The following CAMTA1 variants were observed in gnomAD, a reference collection of about 807,000 sequenced individuals.
The protein encoded by CAMTA1 is calmodulin-binding transcription activator 1.
CAMTA1 carries 27 observed loss-of-function variants against 170.9 expected under a neutral mutation model. The ratio of observed to expected loss-of-function variants is 0.16; its 90% CI spans 0.12 to 0.22. The LOEUF (loss-of-function observed/expected upper bound fraction) is 0.22. Ranked by LOEUF, CAMTA1 falls within the 10% of genes least tolerant of loss-of-function variation. The probability of loss-of-function intolerance (pLI) is 1.00; values close to 1 mark genes in which losing one functional copy is unlikely to be tolerated. For synonymous variants in CAMTA1, 833 were observed against 891.5 expected (o/e 0.93, Z 1.17); for missense variants, 1,619 against 2,217.2 (o/e 0.73, Z 5.42).
chr1:6,957,438 A>G (rs974812047), intron 3 of CAMTA1, among the ~76,000 whole-genome samples: 4 of 151,964 alleles, frequency 2.6e-5, no homozygotes, highest in Admixed American at 6.5e-5. Context: ...TTTTAAAATC[A>G]AGGTGTTGGC....
intron 5 of CAMTA1, among the ~76,000 whole-genome samples, chr1:7,381,337 A>C (rs987429739): frequency 6.7e-5 from 9 of 133,388 alleles, no homozygotes; most frequent in African/African-American, 2.5e-4. Context: ...CCAGAGTGTG[A>C]TGTTCCCCTT....
At chr1:7,528,433 A>T (rs1010168646) in intron 6 of CAMTA1, among the ~76,000 whole-genome samples, 22 of 150,054 alleles carry the variant, frequency 1.5e-4, no homozygotes, top group African/African-American at 3.5e-4. Flanking sequence ...TGGTTTTTTA[A>T]AAAAAAAAAA....
At chr1:7,520,226 CT>C (rs1557857625) in intron 6 of CAMTA1, among the ~76,000 whole-genome samples, 11 of 37,292 alleles carry the variant, frequency 2.9e-4, no homozygotes, top group South Asian at 1.3e-3. Flanking sequence ...CCTCCTCCTC[CT>C]CCCTCCTCCT....
At chr1:7,372,706 ACAG>A (rs1433697690) in intron 5 of CAMTA1, among the ~76,000 whole-genome samples, 1 of 152,210 alleles carries the variant, frequency 6.6e-6, no homozygotes, top group Admixed American at 6.5e-5. Context: ...TTTGATACCC[ACAG>A]CAGCCTTGGA....
rs1379339692 is a variant in CAMTA1, at chr1:7,173,006, T to C, written c.303-76485T>C. Among the ~76,000 whole-genome samples the C allele has an allele frequency of 1.3e-5, 2 of 152,206 alleles. No homozygotes were observed. Among genetic ancestry groups the C allele is most frequent in the Non-Finnish European group, 2.9e-5 (2 of 68,028 alleles). ...TGCCTCGGGGAGGATGGGCTGGCTG[T>C]GTCCATCCATCCCGTGCTGGAGCGT... On this transcript the variant is annotated intron_variant, in intron 4 of 22. Transcript: ENST00000303635. This position sits in a 1 kb window ranked among gnomAD's most constrained non-coding sequence, Gnocchi z 5.4.
chr1:7,166,051 G>T (rs891125821), intron 4 of CAMTA1, among the ~76,000 whole-genome samples: 1 of 151,780 alleles, frequency 6.6e-6, no homozygotes, highest in African/African-American at 2.4e-5. Context: ...TAAGCGGGGG[G>T]GTGTGTTTAC....
At chr1:7,417,301 G>A (rs951725923) in intron 5 of CAMTA1, among the ~76,000 whole-genome samples, 1 of 152,262 alleles carries the variant, frequency 6.6e-6, no homozygotes, top group African/African-American at 2.4e-5. Context: ...TCTCTTCAAA[G>A]CTGTCAGACA....
At chr1:7,494,669 T>C (rs1166902848) in intron 6 of CAMTA1, among the ~76,000 whole-genome samples, 3 of 152,074 alleles carry the variant, frequency 2.0e-5, no homozygotes, top group Non-Finnish European at 4.4e-5. Context: ...CCAGGTGTGG[T>C]GGCGCACACC....
intron 5 of CAMTA1, among the ~76,000 whole-genome samples, chr1:7,457,230 C>G (rs1010746544): frequency 1.3e-4 from 20 of 152,010 alleles, no homozygotes; most frequent in Non-Finnish European, 2.4e-4. Context: ...TCTTGGAACC[C>G]CCAAAAACAA....
At chr1:6,868,895 G>T (rs954293621) in intron 3 of CAMTA1, among the ~76,000 whole-genome samples, 2 of 152,190 alleles carry the variant, frequency 1.3e-5, no homozygotes, top group Admixed American at 1.3e-4. Flanking sequence ...ATTAAGGATA[G>T]CTTGTATCCT....
intron 3 of CAMTA1, among the ~76,000 whole-genome samples, chr1:7,035,411 A>T (rs887678901): frequency 4.6e-5 from 7 of 152,002 alleles, no homozygotes; most frequent in African/African-American, 1.7e-4. Context: ...AAAAAAAAAA[A>T]AATCTTATTT....
At chr1:7,483,951 T>C (rs1279169392) in intron 6 of CAMTA1, among the ~76,000 whole-genome samples, 1 of 152,182 alleles carries the variant, frequency 6.6e-6, no homozygotes, top group East Asian at 1.9e-4. Context: ...ATCATTTTTA[T>C]TCCCACTTTG....
chr1:6,994,179 T>G (rs1696828041), intron 3 of CAMTA1, among the ~76,000 whole-genome samples: 1 of 152,194 alleles, frequency 6.6e-6, no homozygotes, highest in South Asian at 2.1e-4. Flanking sequence ...CATAGTGTAT[T>G]TTTTCTTTTT....
chr1:7,280,092 C>A (rs991741699), intron 5 of CAMTA1, among the ~76,000 whole-genome samples: 1 of 152,182 alleles, frequency 6.6e-6, no homozygotes, highest in Admixed American at 6.5e-5. Context: ...TTGCAAATGT[C>A]AGAGATGCTG....
At chr1:7,217,374 C>A (rs1412948939) in intron 4 of CAMTA1, among the ~76,000 whole-genome samples, 1 of 152,180 alleles carries the variant, frequency 6.6e-6, no homozygotes, top group African/African-American at 2.4e-5. Flanking sequence ...CAGTCTCGGG[C>A]AGTTCTTTAT....
At position 7,276,303 on chromosome 1, in the gene CAMTA1, A is replaced by ATATAATTTTTTTTTTTTTTTTTTTTTTT; in HGVS notation, c.438+26678_438+26679insATAATTTTTTTTTTTTTTTTTTTTTTTT. ...CATATATATATATATATATATATAT[A>ATATAATTTTTTTTTTTTTTTTTTTTTTT]TTTTTTTTTTTTTTTTTTCTTTTTG... On this transcript the variant is annotated intron_variant, in intron 5 of 22. Transcript: ENST00000303635. 2.1e-4 allele frequency among the ~76,000 whole-genome samples: 5 copies of ATATAATTTTTTTTTTTTTTTTTTTTTTT among 24,228 alleles called. 1 individual carries two copies. Among genetic ancestry groups the ATATAATTTTTTTTTTTTTTTTTTTTTTT allele is most frequent in the African/African-American group, 1.5e-3 (5 of 3,362 alleles). The allele number at this position is 24,228 out of a possible 152,430, so 15.9% of individuals were successfully genotyped here. A position where few individuals can be genotyped will look rare whatever the true frequency, so the allele number is the denominator to read the frequency against.
intron 3 of CAMTA1, among the ~76,000 whole-genome samples, chr1:7,061,924 T>C (rs924464581): frequency 2.0e-5 from 3 of 152,124 alleles, no homozygotes; most frequent in African/African-American, 4.8e-5. Context: ...TTATATTAAA[T>C]TTTATTTTTT....
At chr1:7,457,708 G>C (rs1043262347) in intron 5 of CAMTA1, among the ~76,000 whole-genome samples, 1 of 152,186 alleles carries the variant, frequency 6.6e-6, no homozygotes, top group African/African-American at 2.4e-5. Context: ...TGAAGACCCA[G>C]TGTCCCTCTC....
At chr1:7,440,704 C>A (rs1312048034) in intron 5 of CAMTA1, among the ~76,000 whole-genome samples, 1 of 152,194 alleles carries the variant, frequency 6.6e-6, no homozygotes, top group Non-Finnish European at 1.5e-5. Context: ...TGCTTGGAGC[C>A]TGTGGGCCGA....
Sources: gnomAD v4.1 joint callset for allele counts (sites outside exome capture counted in the v4.1 genomes callset) on GRCh38, gnomAD v4.1.1 for gene constraint, Gnocchi (gnomAD v3.1) non-coding constraint, MANE v1.5 for transcripts, NCBI Gene and HGNC (gene_info 2026-07-23, HGNC 2026-07-21) for gene names.